HNF4A: variants seen among roughly 807,000 people sequenced by gnomAD.
The protein encoded by HNF4A is hepatocyte nuclear factor 4 alpha, also known as hepatocyte nuclear factor 4-alpha.
Under a neutral mutation model 52.4 loss-of-function variants are expected in HNF4A, and 15 were observed. The observed-to-expected ratio is 0.29, with a 90% CI of 0.19 to 0.44. The LOEUF is 0.44. Ranked by LOEUF, HNF4A falls within the 20% of genes least tolerant of loss-of-function variation. HNF4A has a pLI of 1.00. For missense variants in HNF4A, 479 were observed against 647.2 expected (o/e 0.74, Z 2.82); for synonymous variants, 280 against 264.4 (o/e 1.06, Z -0.57).
At chr20:44,404,336 G>A (rs1465422479) in intron 1 of HNF4A, among the ~76,000 whole-genome samples, 1 of 152,118 alleles carries the variant, frequency 6.6e-6, no homozygotes, top group Non-Finnish European at 1.5e-5. Flanking sequence ...GCTAAAAAGT[G>A]GGCAAGCTGG....
chr20:44,417,836 G>T (rs921317883), intron 5 of HNF4A, among the ~76,000 whole-genome samples: 3 of 151,930 alleles, frequency 2.0e-5, no homozygotes, highest in Admixed American at 2.0e-4. Flanking sequence ...AGGCATGGTG[G>T]TGCACGCCTG....
At chr20:44,390,656 AG>A in intron 1 of HNF4A, 1 of 702,512 alleles carries the variant, frequency 1.4e-6, no homozygotes, top group Non-Finnish European at 2.6e-6. Context: ...GACTGGGGCC[AG>A]GGCTTCCCCC....
In HNF4A at chr20:44,429,721, C is replaced by G. The variant is rs1302197279; in HGVS notation, c.*56C>G. 6.4e-7 allele frequency: 1 copy of G among 1,564,220 alleles called. No homozygotes were observed. Among genetic ancestry groups the G allele is most frequent in the Non-Finnish European group, 8.8e-7 (1 of 1,135,966 alleles). On this transcript the variant is annotated 3_prime_UTR_variant, in exon 10 of 10. Transcript: ENST00000316099. The stretch of plus-strand genomic sequence containing the variant: ...CTCCCCCCAGCCCCCTAAGAGAGCA[C>G]CTGGTGATCACGTGGTCACGGCAAA...
intron 1 of HNF4A, among the ~76,000 whole-genome samples, chr20:44,377,013 C>T (rs1047197964): frequency 6.6e-6 from 1 of 151,704 alleles, no homozygotes; most frequent in Non-Finnish European, 1.5e-5. Context: ...CCAGCCTGGG[C>T]AACATGGTGA....
At chr20:44,384,159 CTTTT>C (rs371586705) in intron 1 of HNF4A, among the ~76,000 whole-genome samples, 158 of 125,536 alleles carry the variant, frequency 1.3e-3, no homozygotes, top group African/African-American at 4.6e-3. Context: ...CCCCTGGCTC[CTTTT>C]TTTTTTTTTT....
At chr20:44,428,038 T>C (rs2063832619) in intron 8 of HNF4A, among the ~76,000 whole-genome samples, 1 of 152,244 alleles carries the variant, frequency 6.6e-6, no homozygotes, top group Non-Finnish European at 1.5e-5. Context: ...TATGTTACTA[T>C]GTGACCAATA....
intron 1 of HNF4A, among the ~76,000 whole-genome samples, chr20:44,364,165 T>G (rs889805313): frequency 2.0e-5 from 3 of 152,152 alleles, no homozygotes; most frequent in African/African-American, 7.2e-5. Flanking sequence ...CCCTTCAACC[T>G]CTGGCTCCAT....
At chr20:44,370,378 G>A (rs1466025571) in intron 1 of HNF4A, among the ~76,000 whole-genome samples, 1 of 152,124 alleles carries the variant, frequency 6.6e-6, no homozygotes, top group African/African-American at 2.4e-5. Flanking sequence ...TCCTGCCATT[G>A]GGCCTTTGTA....
At chr20:44,381,361 A>G (rs1203713271) in intron 1 of HNF4A, among the ~76,000 whole-genome samples, 2 of 149,686 alleles carry the variant, frequency 1.3e-5, no homozygotes, top group Non-Finnish European at 3.0e-5. Flanking sequence ...GCTCACTGCA[A>G]CCTCCAACTC....
chr20:44,362,567 T>C (rs756735147), intron 1 of HNF4A, among the ~76,000 whole-genome samples: 13 of 152,118 alleles, frequency 8.5e-5, no homozygotes, highest in African/African-American at 3.1e-4. Context: ...TTTTATGTAA[T>C]GGGCAAGATG....
chr20:44,397,871 C>G (rs541084195), upstream of HNF4A, among the ~76,000 whole-genome samples: 1 of 152,176 alleles, frequency 6.6e-6, no homozygotes, highest in Non-Finnish European at 1.5e-5. Flanking sequence ...AGGTGATCTG[C>G]CTGCCTCGGC....
At chr20:44,383,940 T>C (rs2063187735) in intron 1 of HNF4A, among the ~76,000 whole-genome samples, 1 of 151,962 alleles carries the variant, frequency 6.6e-6, no homozygotes, top group South Asian at 2.1e-4. Flanking sequence ...AACCTCCGCC[T>C]CCCAGGTTCA....
At chr20:44,369,079 C>T (rs1239272028) in intron 1 of HNF4A, among the ~76,000 whole-genome samples, 1 of 151,342 alleles carries the variant, frequency 6.6e-6, no homozygotes, top group Non-Finnish European at 1.5e-5. Context: ...AACCCTGTCT[C>T]TACTAATAAT....
intron 1 of HNF4A, among the ~76,000 whole-genome samples, chr20:44,368,582 T>C (rs1204764234): frequency 6.6e-6 from 1 of 152,148 alleles, no homozygotes; most frequent in Non-Finnish European, 1.5e-5. Flanking sequence ...TAGTTCTATT[T>C]ACCCCTCAGG....
intron 1 of HNF4A, among the ~76,000 whole-genome samples, chr20:44,386,159 A>ATTT (rs35559000): frequency 2.9e-4 from 21 of 73,058 alleles, no homozygotes; most frequent in African/African-American, 7.2e-4. Flanking sequence ...CCACCATCTG[A>ATTT]TTTTTTTTTT....
chr20:44,395,062 C>T (rs1024047650), intron 1 of HNF4A, among the ~76,000 whole-genome samples: 4 of 151,266 alleles, frequency 2.6e-5, no homozygotes, highest in African/African-American at 9.8e-5. Flanking sequence ...CACCCATCAT[C>T]GGGTGAACAA....
chr20:44,392,876 T>C (rs1454844022), intron 1 of HNF4A, among the ~76,000 whole-genome samples: 1 of 152,194 alleles, frequency 6.6e-6, no homozygotes, highest in Non-Finnish European at 1.5e-5. Flanking sequence ...CAGAGCTCCA[T>C]GGGCACTTCG....
chr20:44,419,688 C>T (rs1600733727), intron 6 of HNF4A, 33 bp from the exon 7 acceptor site: 1 of 1,610,062 alleles, frequency 6.2e-7, no homozygotes, highest in African/African-American at 1.3e-5. Flanking sequence ...CCCAAGGTGA[C>T]TTCCCATCCT....
At chr20:44,391,277 C>T (rs1447880511) in intron 1 of HNF4A, among the ~76,000 whole-genome samples, 2 of 152,170 alleles carry the variant, frequency 1.3e-5, no homozygotes, top group African/African-American at 4.8e-5. Flanking sequence ...CCAGTGCTGA[C>T]GGGCACAGCC....
Sources: gnomAD v4.1 joint callset for allele counts (sites outside exome capture counted in the v4.1 genomes callset) on GRCh38, gnomAD v4.1.1 for gene constraint, MANE v1.5 for transcripts, NCBI Gene and HGNC (gene_info 2026-07-23, HGNC 2026-07-21) for gene names.